Variants in NRXN1 observed in about 807,000 individuals in gnomAD.
NRXN1 encodes the protein neurexin 1.
In NRXN1, 39 loss-of-function variants were observed where a neutral mutation model predicts 150.9. The observed-to-expected ratio is 0.26, with a 90% confidence interval of 0.20 to 0.34. The LOEUF (loss-of-function observed/expected upper bound fraction) is 0.34, where lower values mean the gene tolerates loss of function less well. Ranked by LOEUF, NRXN1 falls within the 10% of genes least tolerant of loss-of-function variation. The pLI is 1.00. For missense variants in NRXN1, 1,815 were observed against 1,949.9 expected (o/e 0.93, Z 1.30); for synonymous variants, 924 against 757.0 (o/e 1.22, Z -3.62).
intron 15 of NRXN1, among the ~76,000 whole-genome samples, chr2:50,476,990 T>C (rs866236943): frequency 3.0e-4 from 46 of 152,136 alleles, no homozygotes; most frequent in African/African-American, 9.7e-4. Context: ...TGGACTGTGG[T>C]TGCAAAGTGG....
At position 49,921,398 on chromosome 2, in the gene NRXN1, G is replaced by T. The variant is rs1347888199; in HGVS notation, c.*546C>A. On this transcript the variant is annotated 3_prime_UTR_variant, in exon 23 of 23. Coordinates refer to ENST00000401669, the MANE Select transcript of NRXN1 (RefSeq NM_001330078.2). ...TGTTCCTACACAAGTCTTCAAAAAA[G>T]CCAGCACTTTGTTTCAAATGCAAGT... 6.5e-6 allele frequency: 1 copy of T among 152,672 alleles called. No homozygotes were observed. Among genetic ancestry groups the T allele is most frequent in the African/African-American group, 2.4e-5 (1 of 41,410 alleles). 9.5% of individuals were successfully genotyped at this position (152,672 alleles called of 1,614,324 possible).
intron 2 of NRXN1, among the ~76,000 whole-genome samples, chr2:50,998,445 G>A (rs539272858): frequency 1.2e-4 from 18 of 152,126 alleles, no homozygotes; most frequent in African/African-American, 4.3e-4. Flanking sequence ...GTGCCAAAAT[G>A]ATTTGCATTT....
At chr2:50,390,004 C>T (rs773383464) in intron 17 of NRXN1, among the ~76,000 whole-genome samples, 2 of 152,130 alleles carry the variant, frequency 1.3e-5, no homozygotes, top group African/African-American at 2.4e-5. Context: ...CCAAGTTAGG[C>T]AATGAAATGC....
intron 21 of NRXN1, among the ~76,000 whole-genome samples, chr2:49,952,539 T>C (rs545371170): frequency 4.6e-5 from 7 of 152,110 alleles, no homozygotes; most frequent in Non-Finnish European, 8.8e-5. Flanking sequence ...TGAAAATCTT[T>C]TCTGAAATTA....
At chr2:50,536,238 C>T (rs1277053392) in intron 10 of NRXN1, among the ~76,000 whole-genome samples, 1 of 152,178 alleles carries the variant, frequency 6.6e-6, no homozygotes, top group African/African-American at 2.4e-5. Flanking sequence ...AAGCAAAGGA[C>T]TCACGCAATA....
intron 5 of NRXN1, among the ~76,000 whole-genome samples, chr2:50,709,012 CA>C (rs1694800541): frequency 6.6e-6 from 1 of 152,148 alleles, no homozygotes; most frequent in South Asian, 2.1e-4. Context: ...TGATTTCTAA[CA>C]GGGACTGTCC....
chr2:50,450,475 A>G (rs1199328649), intron 17 of NRXN1, among the ~76,000 whole-genome samples: 1 of 151,944 alleles, frequency 6.6e-6, no homozygotes, highest in Non-Finnish European at 1.5e-5. Flanking sequence ...TGGGTCTTGG[A>G]AATAATTTCC....
In NRXN1 at chr2:50,581,606, A is replaced by G. The variant is rs148684918; in HGVS notation, c.1321-28581T>C. ...TTTTTATTAGGTGCAAAGGGAACTA[A>G]TGAGGAGAAATAGGTTTAAATTGAA... On this transcript the variant is annotated intron_variant, in intron 8 of 22. Transcript: ENST00000401669. Among the ~76,000 whole-genome samples the G allele has an allele frequency of 3.9e-5, 6 of 152,306 alleles. 1 individual carries two copies. The highest frequency in any genetic ancestry group is 4.1e-4 in the South Asian group (2 of 4,820).
chr2:50,795,291 G>T (rs1706653187), intron 5 of NRXN1, among the ~76,000 whole-genome samples: 1 of 152,090 alleles, frequency 6.6e-6, no homozygotes, highest in Admixed American at 6.6e-5. Context: ...TGACCCATAG[G>T]TCTGGAAACT....
At chr2:50,806,771 C>A (rs2105735074) in intron 5 of NRXN1, among the ~76,000 whole-genome samples, 1 of 152,240 alleles carries the variant, frequency 6.6e-6, no homozygotes, top group South Asian at 2.1e-4. Context: ...TCGTACTAGT[C>A]CTGCCTAAAG....
intron 2 of NRXN1, among the ~76,000 whole-genome samples, chr2:51,008,656 T>C (rs1021211611): frequency 2.0e-5 from 3 of 151,812 alleles, no homozygotes; most frequent in Admixed American, 2.0e-4. Context: ...TAATTGTGTA[T>C]AAAATATACT....
At chr2:50,322,129 C>T (rs967361535) in intron 17 of NRXN1, among the ~76,000 whole-genome samples, 1 of 151,082 alleles carries the variant, frequency 6.6e-6, no homozygotes, top group African/African-American at 2.4e-5. Flanking sequence ...TCAGATGTTA[C>T]AATCAAAGAA....
intron 2 of NRXN1, among the ~76,000 whole-genome samples, chr2:50,962,518 GT>G (rs1176491470): frequency 3.0e-4 from 2 of 6,578 alleles, no homozygotes; most frequent in South Asian, 5.6e-3. Flanking sequence ...CAAGTGCTTG[GT>G]TTGTTTGTTT....
intron 5 of NRXN1, among the ~76,000 whole-genome samples, chr2:50,886,157 A>C (rs978506411): frequency 7.9e-5 from 12 of 151,388 alleles, no homozygotes; most frequent in African/African-American, 2.9e-4. Flanking sequence ...ACTTAATGTG[A>C]AACCAAACAC....
At chr2:50,168,560 T>C (rs1007684719) in intron 18 of NRXN1, among the ~76,000 whole-genome samples, 6 of 152,204 alleles carry the variant, frequency 3.9e-5, no homozygotes, top group Non-Finnish European at 7.3e-5. Flanking sequence ...TTTTTTCATC[T>C]TACATTTTCT....
At chr2:50,412,918 A>T (rs1383357855) in intron 17 of NRXN1, among the ~76,000 whole-genome samples, 2 of 152,216 alleles carry the variant, frequency 1.3e-5, no homozygotes, top group Admixed American at 6.5e-5. Context: ...CTTTCTCCAT[A>T]TGTGAAAATC....
intron 5 of NRXN1, among the ~76,000 whole-genome samples, chr2:50,705,319 C>T (rs554262203): frequency 5.3e-5 from 8 of 152,112 alleles, no homozygotes; most frequent in South Asian, 4.1e-4. Context: ...TAAATGGGTA[C>T]GATTCTATTG....
At chr2:50,935,508 G>A (rs566310565) in intron 2 of NRXN1, among the ~76,000 whole-genome samples, 4 of 152,242 alleles carry the variant, frequency 2.6e-5, no homozygotes, top group African/African-American at 7.2e-5. Context: ...GCCAAGGCAG[G>A]CAGATCACTT....
chr2:50,662,667 T>C (rs925142001), intron 5 of NRXN1, among the ~76,000 whole-genome samples: 8 of 151,990 alleles, frequency 5.3e-5, no homozygotes, highest in African/African-American at 1.9e-4. Flanking sequence ...CTTCTTCCAA[T>C]GTGGTCAAGG....
Sources: gnomAD v4.1 joint callset for allele counts (sites outside exome capture counted in the v4.1 genomes callset) on GRCh38, gnomAD v4.1.1 for gene constraint, MANE v1.5 for transcripts, NCBI Gene and HGNC (gene_info 2026-07-23, HGNC 2026-07-21) for gene names.